Variants in PPP2R2A observed in about 807,000 individuals in gnomAD.
The protein encoded by PPP2R2A is serine/threonine-protein phosphatase 2A 55 kDa regulatory subunit B alpha isoform.
Under a neutral mutation model 53.2 loss-of-function variants are expected in PPP2R2A, and 9 were observed. The observed-to-expected ratio is 0.17, with a 90% CI of 0.10 to 0.30. The LOEUF (loss-of-function observed/expected upper bound fraction) is 0.30. Among genes scored for constraint, PPP2R2A ranks in the 10% least tolerant of loss-of-function variants. The pLI, the probability that PPP2R2A is intolerant of heterozygous loss-of-function variation, is 1.00. For synonymous variants in PPP2R2A, 169 were observed against 174.2 expected (o/e 0.97, Z 0.23); for missense variants, 235 against 534.6 (o/e 0.44, Z 5.53).
At position 26,291,752 on chromosome 8, in the gene PPP2R2A, G is replaced by T. The variant is rs1801304942; in HGVS notation, c.-68G>T. 6.4e-7 allele frequency: 1 copy of T among 1,554,828 alleles called. No individual in the cohort carries two copies. The highest frequency in any genetic ancestry group is 8.7e-7 in the Non-Finnish European group (1 of 1,147,896). ...GCCCTCTCTACCCCCCCATCCCCAG[G>T]TGAGGGGGGTGAGTTCAGGAAGCGG... On this transcript the variant is annotated 5_prime_UTR_variant, in exon 1 of 10. Transcript: ENST00000380737.
intron 2 of PPP2R2A, among the ~76,000 whole-genome samples, chr8:26,327,647 C>G (rs1175824790): frequency 6.6e-6 from 1 of 151,814 alleles, no homozygotes; most frequent in East Asian, 1.9e-4. Flanking sequence ...GTAGGGAAAT[C>G]ATTTTACAAT....
chr8:26,337,374 G>C (rs746992657), intron 2 of PPP2R2A, among the ~76,000 whole-genome samples: 7 of 152,108 alleles, frequency 4.6e-5, no homozygotes, highest in Non-Finnish European at 7.3e-5. Context: ...TCTTGACTCT[G>C]TATGTTTGTA....
intron 1 of PPP2R2A, 48 bp downstream of exon 1, chr8:26,291,874 T>A: frequency 6.9e-6 from 11 of 1,603,334 alleles, no homozygotes; most frequent in Non-Finnish European, 9.4e-6. Flanking sequence ...CGCTTCCTTA[T>A]TCCTCCCTCC....
intron 2 of PPP2R2A, among the ~76,000 whole-genome samples, chr8:26,312,990 C>T (rs1484993198): frequency 6.6e-6 from 1 of 151,946 alleles, no homozygotes; most frequent in Non-Finnish European, 1.5e-5. Flanking sequence ...ATCCACTTTC[C>T]CAAACTCTTT....
At chr8:26,313,632 C>G (rs543585629) in intron 2 of PPP2R2A, among the ~76,000 whole-genome samples, 1 of 152,070 alleles carries the variant, frequency 6.6e-6, no homozygotes, top group Non-Finnish European at 1.5e-5. Context: ...GGAGATCATC[C>G]TAGGTTATCC....
At chr8:26,363,684 A>G in intron 7 of PPP2R2A, 37 bp from the exon 8 acceptor site, 3 of 1,495,424 alleles carry the variant, frequency 2.0e-6, no homozygotes, top group Non-Finnish European at 2.7e-6. Flanking sequence ...AATATTGTAC[A>G]CCTTGCCCTT....
At chr8:26,366,088 G>C in intron 8 of PPP2R2A, 1 of 434,484 alleles carries the variant, frequency 2.3e-6, no homozygotes, top group Non-Finnish European at 4.0e-6. Flanking sequence ...GCCATGCCCA[G>C]AATGGAGTTT....
rs974566793 is a variant in PPP2R2A at position 26,371,302 on chromosome 8, CAT to C, written c.*892_*893del. The C allele has an allele frequency of 1.3e-5, 2 of 148,306 alleles. No homozygotes were observed. Among genetic ancestry groups the C allele is most frequent in the African/African-American group, 4.9e-5 (2 of 40,628 alleles). 9.2% of individuals were successfully genotyped at this position (148,306 alleles called of 1,614,324 possible). Reference sequence around the variant, plus strand: ...AGGAGAGGTATTGGTTCTCTATGAACATATTTTGAATATAGGTTTTATTAAGG... The same window carrying C: ...AGGAGAGGTATTGGTTCTCTATGAACATTTTGAATATAGGTTTTATTAAGG... On this transcript the variant is annotated 3_prime_UTR_variant, in exon 10 of 10. Coordinates refer to ENST00000380737, the MANE Select transcript of PPP2R2A (RefSeq NM_002717.4).
intron 2 of PPP2R2A, among the ~76,000 whole-genome samples, chr8:26,306,784 C>T (rs1802043669): frequency 6.6e-6 from 1 of 152,042 alleles, no homozygotes; most frequent in African/African-American, 2.4e-5. Context: ...TTCGAGGTTG[C>T]AGTAAGCCAT....
chr8:26,367,631 TCACATGCAA>T (rs1805450052), intron 9 of PPP2R2A, among the ~76,000 whole-genome samples: 1 of 152,246 alleles, frequency 6.6e-6, no homozygotes, highest in African/African-American at 2.4e-5. Flanking sequence ...GCGCATGTGC[TCACATGCAA>T]CTTGTGTGCC....
chr8:26,358,664 T>C (rs1380315923), intron 4 of PPP2R2A, among the ~76,000 whole-genome samples: 1 of 152,212 alleles, frequency 6.6e-6, no homozygotes, highest in Non-Finnish European at 1.5e-5. Context: ...TTATATACTG[T>C]TATAAACAAT....
intron 2 of PPP2R2A, among the ~76,000 whole-genome samples, chr8:26,334,226 G>C (rs2322057): frequency 0.96 from 146,624 of 152,276 alleles, 70,631 homozygotes; most frequent in East Asian, 1. Context: ...TGTGATTGGT[G>C]ATAGGACAGA....
rs1332134908 is a variant in PPP2R2A, at chr8:26,321,275, A to G, written c.83-17615A>G. On this transcript the variant is annotated intron_variant, in intron 2 of 9. Coordinates refer to ENST00000380737, the MANE Select transcript of PPP2R2A (RefSeq NM_002717.4). The surrounding 1 kb of genome is among the most constrained non-coding windows in gnomAD (Gnocchi z 4.1). ...TTCTGTACTTTGAAACTGGGATTGA[A>G]AACTAAATGGCTCTTACCAAGAGAA... Among the ~76,000 whole-genome samples the G allele has an allele frequency of 6.6e-6, 1 of 152,174 alleles. No homozygotes were observed. Among genetic ancestry groups the G allele is most frequent in the Admixed American group, 6.5e-5 (1 of 15,280 alleles).
intron 2 of PPP2R2A, chr8:26,333,493 A>G (rs1211739294): frequency 1.6e-6 from 2 of 1,227,720 alleles, no homozygotes; most frequent in Middle Eastern, 2.3e-4. Context: ...CAGATCACTT[A>G]TTTGAGACAT....
At chr8:26,369,292 T>A (rs1805544699) in intron 9 of PPP2R2A, among the ~76,000 whole-genome samples, 1 of 151,004 alleles carries the variant, frequency 6.6e-6, no homozygotes, top group African/African-American at 2.4e-5. Flanking sequence ...AGTGGCACAA[T>A]CTTGGCTCAG....
intron 2 of PPP2R2A, among the ~76,000 whole-genome samples, chr8:26,295,348 A>G (rs1476147809): frequency 3.9e-5 from 6 of 152,210 alleles, no homozygotes; most frequent in Admixed American, 3.9e-4. Flanking sequence ...TCATTTACCT[A>G]CCTGAACCAA....
chr8:26,291,549 T>A lies in PPP2R2A; in HGVS notation c.-271T>A. 4 of 437,120 alleles carry A rather than the reference T, an allele frequency of 9.2e-6. No homozygotes were observed. Among genetic ancestry groups the A allele is most frequent in the Non-Finnish European group, 1.7e-5 (4 of 240,684 alleles). 27.1% of individuals were successfully genotyped at this position (437,120 alleles called of 1,614,324 possible). A position where few individuals can be genotyped will look rare whatever the true frequency, so the allele number is the denominator to read the frequency against. ...TTTTGAAAGTGGAGTCGCCTGCCCCTGCCGCTGCCGCCGCCGCCGTCGCTG... is the reference window on the plus strand; with the variant it reads ...TTTTGAAAGTGGAGTCGCCTGCCCCAGCCGCTGCCGCCGCCGCCGTCGCTG... On this transcript the variant is annotated 5_prime_UTR_variant, in exon 1 of 10. Transcript: ENST00000380737.
chr8:26,332,567 T>C (rs2117305377), intron 2 of PPP2R2A, among the ~76,000 whole-genome samples: 1 of 152,332 alleles, frequency 6.6e-6, no homozygotes, highest in South Asian at 2.1e-4. Context: ...TCCTTTGATT[T>C]TTCTTAAGCA....
intron 2 of PPP2R2A, among the ~76,000 whole-genome samples, chr8:26,295,526 A>G (rs981401493): frequency 6.6e-6 from 1 of 152,260 alleles, no homozygotes; most frequent in African/African-American, 2.4e-5. Context: ...AAAGTTTTCA[A>G]GAACCTATTG....
Sources: allele counts gnomAD v4.1 joint callset (sites outside exome capture counted in the v4.1 genomes callset), GRCh38; gene constraint gnomAD v4.1.1; non-coding constraint Gnocchi (gnomAD v3.1); transcripts MANE v1.5; gene names NCBI Gene and HGNC (gene_info 2026-07-23, HGNC 2026-07-21).